Variants in SRGAP3 observed in about 807,000 individuals in gnomAD.
The protein encoded by SRGAP3 is SLIT-ROBO Rho GTPase activating protein 3.
Under a neutral mutation model 121.1 loss-of-function variants are expected in SRGAP3, and 39 were observed. The ratio of observed to expected loss-of-function variants is 0.32; its 90% CI spans 0.25 to 0.42. The LOEUF is 0.42. Among genes scored for constraint, SRGAP3 ranks in the 10% least tolerant of loss-of-function variants. The pLI is 1.00. For synonymous variants in SRGAP3, 601 were observed against 570.0 expected, an observed-to-expected ratio of 1.05 and a Z score of -0.77; for missense variants, 1,213 against 1,470.6, an observed-to-expected ratio of 0.82 and a Z score of 2.86.
At position 9,040,304 on chromosome 3, in the gene SRGAP3, C is replaced by A. The variant is rs374443317; in HGVS notation, c.1409-2214G>T. 7.9e-5 allele frequency among the ~76,000 whole-genome samples: 12 copies of A among 152,184 alleles called. No homozygotes were observed. In the East Asian group the frequency reaches 1.5e-3, roughly 20 times the overall value. ...CAGACCTCTTACTCTGTTTTATAAA[C>A]CCTTTGAGGTCAGAGTAGACCCTTC... On this transcript the variant is annotated intron_variant, in intron 10 of 21. Coordinates refer to ENST00000383836, the MANE Select transcript of SRGAP3 (RefSeq NM_014850.4).
intron 3 of SRGAP3, among the ~76,000 whole-genome samples, chr3:9,298,161 T>C (rs1323942306): frequency 6.6e-6 from 1 of 152,204 alleles, no homozygotes; most frequent in Non-Finnish European, 1.5e-5. Flanking sequence ...CTCAGTTTTC[T>C]GAAAGATAAA....
chr3:9,353,443 C>A (rs1468734887), intron 1 of SRGAP3, among the ~76,000 whole-genome samples: 1 of 152,220 alleles, frequency 6.6e-6, no homozygotes, highest in African/African-American at 2.4e-5. Context: ...AACGAATGAG[C>A]TGCTTTTAAA....
At chr3:9,190,425 T>C (rs6765880) in intron 1 of SRGAP3, among the ~76,000 whole-genome samples, 35,694 of 151,964 alleles carry the variant, frequency 0.23, 4,774 homozygotes, top group African/African-American at 0.37. Context: ...TGGTCTCGAG[T>C]ATGACAGGTT....
At chr3:9,039,488 G>A (rs1429048105) in intron 10 of SRGAP3, among the ~76,000 whole-genome samples, 1 of 152,132 alleles carries the variant, frequency 6.6e-6, no homozygotes, top group African/African-American at 2.4e-5. Context: ...CATAACTGAG[G>A]TATAATTTAT....
In SRGAP3 at chr3:9,058,491, C is replaced by T. The variant is rs770321997; in HGVS notation, c.802-19G>A. The T allele has an allele frequency of 1.6e-5, 25 of 1,612,510 alleles. No individual in the cohort carries two copies. The highest frequency in any genetic ancestry group is 1.2e-4 in the Admixed American group (7 of 59,992). ...CACAGCACTTGGGGAGAGGCAACAA[C>T]GGAAGGTTATGGGTGACAGCCAGGA... On this transcript the variant is annotated intron_variant, in intron 6 of 21. Transcript: ENST00000383836.
At chr3:9,002,011 C>A (rs1942799073) in intron 18 of SRGAP3, among the ~76,000 whole-genome samples, 1 of 152,076 alleles carries the variant, frequency 6.6e-6, no homozygotes, top group African/African-American at 2.4e-5. Flanking sequence ...AACAACTAGA[C>A]AGAAGATCAA....
At chr3:9,126,641 CTAACTAAATAAA>C (rs796738084) in intron 1 of SRGAP3, among the ~76,000 whole-genome samples, 22 of 101,416 alleles carry the variant, frequency 2.2e-4, no homozygotes, top group East Asian at 1.0e-3. Flanking sequence ...AACTAACTAA[CTAACTAAATAAA>C]TAAATAAATA....
chr3:9,234,918 A>G (rs1953352467), intron 1 of SRGAP3, among the ~76,000 whole-genome samples: 1 of 152,194 alleles, frequency 6.6e-6, no homozygotes, highest in Admixed American at 6.5e-5. Flanking sequence ...AAAGACAGAA[A>G]CTGCTGCCTA....
intron 11 of SRGAP3, chr3:9,037,037 G>C (rs1944780053): frequency 6.6e-6 from 1 of 152,278 alleles, no homozygotes; most frequent in African/African-American, 2.4e-5. Flanking sequence ...GAAAACCCCA[G>C]AGGTTGCCAA....
chr3:9,061,530 G>A (rs548166845), intron 5 of SRGAP3, among the ~76,000 whole-genome samples: 16 of 152,162 alleles, frequency 1.1e-4, no homozygotes, highest in East Asian at 7.7e-4. Flanking sequence ...ACCCCTGCCC[G>A]GCTCTTTTCT....
At chr3:9,284,549 G>C (rs185985216) in intron 3 of SRGAP3, among the ~76,000 whole-genome samples, 50 of 152,174 alleles carry the variant, frequency 3.3e-4, no homozygotes, top group African/African-American at 1.1e-3. Flanking sequence ...AATAGTTCTG[G>C]GCTGGGTGTG....
At chr3:9,356,653 G>A (rs1252369452) in intron 1 of SRGAP3, among the ~76,000 whole-genome samples, 3 of 151,918 alleles carry the variant, frequency 2.0e-5, no homozygotes, top group South Asian at 2.1e-4. Context: ...GATTACAGGC[G>A]TGAGCCACCA....
At chr3:9,056,567 C>A (rs183328831) in intron 7 of SRGAP3, among the ~76,000 whole-genome samples, 95 of 152,320 alleles carry the variant, frequency 6.2e-4, no homozygotes, top group African/African-American at 2.1e-3. Context: ...CCAGGTGTGG[C>A]CTTTCAGTCA....
chr3:9,151,461 G>C (rs1240882850), intron 1 of SRGAP3, among the ~76,000 whole-genome samples: 1 of 152,218 alleles, frequency 6.6e-6, no homozygotes, highest in Non-Finnish European at 1.5e-5. Context: ...ACAATGATGA[G>C]TCAGAGGATG....
intron 1 of SRGAP3, among the ~76,000 whole-genome samples, chr3:9,338,579 A>ATTTC (rs1955730283): frequency 6.6e-6 from 1 of 152,202 alleles, no homozygotes; most frequent in Non-Finnish European, 1.5e-5. Context: ...TTCTCTTTGC[A>ATTTC]AGTGGCTTCA....
At chr3:9,015,803 A>G in intron 14 of SRGAP3, 72 bp from the exon 15 acceptor site, 1 of 1,593,140 alleles carries the variant, frequency 6.3e-7, no homozygotes, top group Non-Finnish European at 8.6e-7. Context: ...ATGGCCGAAG[A>G]GATGACCTGG....
chr3:9,288,115 T>TTTCATTCTA (rs1278634521), intron 3 of SRGAP3, among the ~76,000 whole-genome samples: 2 of 150,676 alleles, frequency 1.3e-5, no homozygotes, highest in African/African-American at 4.9e-5. Flanking sequence ...TATTGAATTG[T>TTTCATTCTA]TTCATTCTAT....
intron 1 of SRGAP3, among the ~76,000 whole-genome samples, chr3:9,358,527 G>A (rs11131167): frequency 0.051 from 7,711 of 152,242 alleles, 469 homozygotes; most frequent in East Asian, 0.33. Context: ...TCAGCCAGCA[G>A]GCAAGCAATC....
intron 3 of SRGAP3, among the ~76,000 whole-genome samples, chr3:9,266,143 G>A (rs76839860): frequency 6.6e-6 from 1 of 152,128 alleles, no homozygotes; most frequent in Non-Finnish European, 1.5e-5. Flanking sequence ...AACACCACAT[G>A]TTCTCACTCA....
Sources: gnomAD v4.1 joint callset for allele counts (sites outside exome capture counted in the v4.1 genomes callset) on GRCh38, gnomAD v4.1.1 for gene constraint, MANE v1.5 for transcripts, NCBI Gene and HGNC (gene_info 2026-07-23, HGNC 2026-07-21) for gene names.